GRM6: variants seen among roughly 807,000 people sequenced by gnomAD.
GRM6 encodes glutamate metabotropic receptor 6.
GRM6 carries 73 observed loss-of-function variants against 78.4 expected under a neutral mutation model. That is an observed-to-expected ratio of 0.93 (90% CI 0.77 to 1.13). The LOEUF (loss-of-function observed/expected upper bound fraction) is 1.13, where lower values mean the gene tolerates loss of function less well. GRM6 is among the 50% of genes most tolerant of loss of function. The pLI, the probability that GRM6 is intolerant of heterozygous loss-of-function variation, is 0.00. For missense variants in GRM6, 1,251 were observed against 1,256.4 expected, an observed-to-expected ratio of 1.00 and a Z score of 0.07; for synonymous variants, 580 against 555.0, an observed-to-expected ratio of 1.05 and a Z score of -0.63.
rs1760742931 is a variant in GRM6 at position 178,994,758 on chromosome 5, CCTT to C, written c.184_186del (p.Lys62del). 7.1e-7 allele frequency: 1 copy of C among 1,403,718 alleles called. No individual in the cohort carries two copies. Among genetic ancestry groups the C allele is most frequent in the Non-Finnish European group, 9.3e-7 (1 of 1,073,500 alleles). 87.0% of individuals were successfully genotyped at this position (1,403,718 alleles called of 1,614,324 possible). A position where few individuals can be genotyped will look rare whatever the true frequency, so the allele number is the denominator to read the frequency against. ...GCCTCCAGCCGGTGCACGCCCTGCT[CCTT>C]CTTCAGCTGCCCGCACGCCCGGCCC... is the stretch of plus-strand genomic sequence containing the variant. On this transcript the variant is annotated inframe_deletion, in exon 2 of 11. Coordinates refer to ENST00000517717, the MANE Select transcript of GRM6 (RefSeq NM_000843.4).
Position 178,991,757 on chromosome 5 carries a change from A to G in GRM6, c.721+110T>C. ...GCCCACATGGAGCACCAGCCAGGCA[A>G]CCTCGGCCCAGCATGGACCTGGGCC... On this transcript the variant is annotated intron_variant, in intron 3 of 10. Coordinates refer to ENST00000517717, the MANE Select transcript of GRM6 (RefSeq NM_000843.4). The surrounding 1 kb of genome is among the most constrained non-coding windows in gnomAD (Gnocchi z 5.0). 8.7e-7 allele frequency: 1 copy of G among 1,153,810 alleles called. No individual in the cohort carries two copies. Among genetic ancestry groups the G allele is most frequent in the Admixed American group, 1.9e-5 (1 of 53,264 alleles). The allele number at this position is 1,153,810 out of a possible 1,614,324, so 71.5% of individuals were successfully genotyped here. A position where few individuals can be genotyped will look rare whatever the true frequency, so the allele number is the denominator to read the frequency against.
Position 178,986,558 on chromosome 5 carries a change from G to T in GRM6, c.1696C>A (p.Pro566Thr). The change falls in exon 9 of 11, where the codon CCC (proline) becomes ACC (threonine). Residue 566 changes from proline (P) to threonine (T), a missense_variant. Pro to Thr is a conservative substitution (Grantham distance 38, BLOSUM62 -1). Transcript: ENST00000517717. ...GTGGGGCGGCAGCCCGTGTGGTTGG[G>T]CGTGGGCCTCATGTCCCCAGGACAG... is the stretch of plus-strand genomic sequence containing the variant. ...EACPGDMRPT[P>T]NHTGCRPTPV... 6.2e-7 allele frequency: 1 copy of T among 1,608,144 alleles called. No homozygotes were observed.
At chr5:178,985,629 G>C (rs776485250) in intron 9 of GRM6, 30 of 372,284 alleles carry the variant, frequency 8.1e-5, no homozygotes, top group Middle Eastern at 4.5e-4. Flanking sequence ...CGTGAACCCG[G>C]AAGGCAGAGC....
intron 7 of GRM6, 74 bp from the exon 8 acceptor site, chr5:178,987,057 C>G: frequency 6.8e-7 from 1 of 1,479,220 alleles, no homozygotes; most frequent in Non-Finnish European, 9.3e-7. Context: ...GCCCCAGGGA[C>G]CAGCAGGAGA....
Position 178,992,228 on chromosome 5 carries a change from T to TG in GRM6, c.505-146dup. The TG allele has an allele frequency of 9.9e-6, 7 of 705,716 alleles. No individual in the cohort carries two copies. The highest frequency in any genetic ancestry group is 2.3e-4 in the Middle Eastern group (1 of 4,346). 43.7% of individuals were successfully genotyped at this position (705,716 alleles called of 1,614,324 possible). A position where few individuals can be genotyped will look rare whatever the true frequency, so the allele number is the denominator to read the frequency against. On this transcript the variant is annotated intron_variant, in intron 2 of 10. Coordinates refer to ENST00000517717, the MANE Select transcript of GRM6 (RefSeq NM_000843.4). The surrounding 1 kb of genome is among the most constrained non-coding windows in gnomAD (Gnocchi z 4.9). Reference sequence around the variant, plus strand: ...CAGATGGGAGATGGAAGGGTTGGGGTGGGGACCTGGGGCCAGCTGGAGCAG... The same window carrying TG: ...CAGATGGGAGATGGAAGGGTTGGGGTGGGGGACCTGGGGCCAGCTGGAGCAG...
In GRM6 at chr5:178,981,000, G is replaced by A. The variant is rs904991003; in HGVS notation, c.*657C>T. 6.5e-6 allele frequency: 1 copy of A among 153,946 alleles called. No homozygotes were observed. The highest frequency in any genetic ancestry group is 6.5e-5 in the Admixed American group (1 of 15,498). 9.5% of individuals were successfully genotyped at this position (153,946 alleles called of 1,614,324 possible). ...ACAGCTGTACTCTAAGTCTGACCTTGCCCAATCCCGGGGGGATGGGGGAAA... is the reference window on the plus strand; with the variant it reads ...ACAGCTGTACTCTAAGTCTGACCTTACCCAATCCCGGGGGGATGGGGGAAA... On this transcript the variant is annotated 3_prime_UTR_variant, in exon 11 of 11. Transcript: ENST00000517717. The surrounding 1 kb of genome is among the most constrained non-coding windows in gnomAD (Gnocchi z 4.3).
At chr5:178,984,179 G>GAA (rs1218573051) in intron 9 of GRM6, among the ~76,000 whole-genome samples, 1 of 147,724 alleles carries the variant, frequency 6.8e-6, no homozygotes, top group East Asian at 2.0e-4. Flanking sequence ...GCTCCAGGTG[G>GAA]AAAAAAAAAA....
In GRM6 at chr5:178,994,714, G is replaced by A. The variant is rs1416285612; in HGVS notation, c.231C>T (p.Asp77=). Residue 77 remains aspartate, a synonymous_variant, in exon 2 of 11, where the codon GAC becomes GAT. Coordinates refer to ENST00000517717, the MANE Select transcript of GRM6 (RefSeq NM_000843.4). ...GCAGCTCGGGGTCGGCGTTGACGCG[G>A]TCCAGCGCGTACAGCATGGCCTCCA... ...HRLEAMLYAL[D]RVNADPELLP... The A allele has an allele frequency of 2.0e-6, 3 of 1,468,342 alleles. No homozygotes were observed. Among genetic ancestry groups the A allele is most frequent in the Non-Finnish European group, 2.7e-6 (3 of 1,112,478 alleles). The allele number at this position is 1,468,342 out of a possible 1,614,324, so 91.0% of individuals were successfully genotyped here.
chr5:178,988,572 C>T lies in GRM6; in HGVS notation c.1354+363G>A, dbSNP rs1355151639. Among the ~76,000 whole-genome samples the T allele has an allele frequency of 1.3e-5, 2 of 152,260 alleles. No individual in the cohort carries two copies. Among genetic ancestry groups the T allele is most frequent in the Non-Finnish European group, 2.9e-5 (2 of 68,022 alleles). ...AGTGGGCGGCATGTCCCTGGGTAGGCGCCCCACGCAGTCTTAACTGTGCCC... is the reference window on the plus strand; with the variant it reads ...AGTGGGCGGCATGTCCCTGGGTAGGTGCCCCACGCAGTCTTAACTGTGCCC... On this transcript the variant is annotated intron_variant, in intron 7 of 10. Transcript: ENST00000517717. The surrounding 1 kb of genome is among the most constrained non-coding windows in gnomAD (Gnocchi z 6.0).
At position 178,994,536 on chromosome 5, in the gene GRM6, G is replaced by C; in HGVS notation, c.409C>G (p.Leu137Val). The part of the protein sequence containing the change: ...GVRCPGGVPP[L>V]RPAPPERVVA... ...ACGCGCTCGGGGGGCGCGGGGCGCA[G>C]CGGAGGGACGCCTCCCGGGCAGCGC... is the stretch of plus-strand genomic sequence containing the variant. Residue 137 changes from leucine (L) to valine (V), a missense_variant, in exon 2 of 11, where the codon CTG becomes GTG. Leu to Val is a conservative substitution (Grantham distance 32, BLOSUM62 1). Transcript: ENST00000517717. 7.3e-7 allele frequency: 1 copy of C among 1,373,568 alleles called. No individual in the cohort carries two copies. Among genetic ancestry groups the C allele is most frequent in the African/African-American group, 1.5e-5 (1 of 65,550 alleles). The allele number at this position is 1,373,568 out of a possible 1,614,324, so 85.1% of individuals were successfully genotyped here.
intron 9 of GRM6, chr5:178,985,891 A>C: frequency 1.8e-6 from 1 of 568,306 alleles, no homozygotes; most frequent in Non-Finnish European, 3.2e-6. Context: ...CCTCCCAAGT[A>C]GCTAGGACTA....
chr5:178,987,042 G>A (rs556396281), intron 7 of GRM6, 59 bp from the exon 8 acceptor site: 327 of 1,558,638 alleles, frequency 2.1e-4, no homozygotes, highest in Admixed American at 3.7e-4. Flanking sequence ...TGGCCTCCTG[G>A]GGAGGCCCCA....
At chr5:178,985,804 C>A in intron 9 of GRM6, 1 of 523,142 alleles carries the variant, frequency 1.9e-6, no homozygotes, top group Non-Finnish European at 3.6e-6. Context: ...CTCTGACACC[C>A]AAGCTGGATT....
chr5:178,985,606 G>A (rs777337156), intron 9 of GRM6: 12 of 354,832 alleles, frequency 3.4e-5, no homozygotes, highest in South Asian at 1.7e-4. Context: ...GGGAGGCTGA[G>A]GCAGGAGAAT....
At chr5:178,989,837 G>A in intron 5 of GRM6, 1 of 302,010 alleles carries the variant, frequency 3.3e-6, no homozygotes, top group South Asian at 3.3e-5. Context: ...CAACCACAGG[G>A]AATGGTGGAA....
At position 178,990,650 on chromosome 5, in the gene GRM6, G is replaced by A. The variant is rs745621028; in HGVS notation, c.954C>T (p.Ser318=). 2 of 1,611,850 alleles carry A rather than the reference G, an allele frequency of 1.2e-6. No individual in the cohort carries two copies. The highest frequency in any genetic ancestry group is 1.1e-5 in the South Asian group (1 of 90,554). The part of the protein sequence containing the change: ...SWGAKTSPIL[S]LEDVAVGAIT... ...TGGCCCCAACGGCCACGTCCTCCAGGCTCAAGATGGGTGAGGTCTTGGCTC... is the reference window on the plus strand; with the variant it reads ...TGGCCCCAACGGCCACGTCCTCCAGACTCAAGATGGGTGAGGTCTTGGCTC... Residue 318 remains serine (S), a synonymous_variant, in exon 5 of 11, where the codon AGC becomes AGT. Coordinates refer to ENST00000517717, the MANE Select transcript of GRM6 (RefSeq NM_000843.4).
At chr5:178,983,467 C>T (rs752525355) in intron 9 of GRM6, 146 of 685,156 alleles carry the variant, frequency 2.1e-4, no homozygotes, top group Non-Finnish European at 3.1e-4. Flanking sequence ...AGGGCTGTGC[C>T]GCCCGTATAT....
In GRM6 at chr5:178,989,300, C is replaced by G. The variant is rs1474598067; in HGVS notation, c.1118G>C (p.Gly373Ala). Residue 373 changes from glycine to alanine, a missense_variant, in exon 6 of 11, where the codon GGT becomes GCT. Physicochemically the swap from Gly to Ala is moderately conservative, Grantham distance 60 (BLOSUM62 0). Transcript: ENST00000517717. ...GCGGGTGGAATCGTCTGACTGGGTA[C>G]CTGAGCTGGTCAGTTTGCAGTTAAA... ...ENFNCKLTSS[G>A]TQSDDSTRKC... is the part of the protein sequence containing the mutation. 6.3e-7 allele frequency: 1 copy of G among 1,582,870 alleles called. No homozygotes were observed. The highest frequency in any genetic ancestry group is 1.7e-5 in the Admixed American group (1 of 57,776).
Position 178,983,194 on chromosome 5 carries a change from C to A in GRM6, c.2152G>T (p.Ala718Ser), listed in dbSNP as rs572341483. Residue 718 changes from alanine to serine, a missense_variant, in exon 10 of 11, where the codon GCC becomes TCC. Transcript: ENST00000517717. ...QVVGMIAWLG[A>S]RPPHSVIDYE... is the part of the protein sequence containing the mutation. The stretch of plus-strand genomic sequence containing the variant: ...TCAATCACGCTGTGTGGGGGCCGGG[C>A]CCCCAGCCATGCTATCATCCCCACC... 6.2e-7 allele frequency: 1 copy of A among 1,612,596 alleles called. No individual in the cohort carries two copies. The highest frequency in any genetic ancestry group is 1.1e-5 in the South Asian group (1 of 91,050).
Sources: gnomAD v4.1 joint callset for allele counts (sites outside exome capture counted in the v4.1 genomes callset) on GRCh38, gnomAD v4.1.1 for gene constraint, Gnocchi (gnomAD v3.1) non-coding constraint, MANE v1.5 for transcripts, NCBI Gene and HGNC (gene_info 2026-07-23, HGNC 2026-07-21) for gene names.